Variants in RIMS1 observed in about 807,000 individuals in gnomAD.
RIMS1 encodes regulating synaptic membrane exocytosis 1.
A neutral mutation model predicts 214.1 loss-of-function variants in RIMS1; 83 were observed. That is an observed-to-expected ratio of 0.39 (90% confidence interval 0.32 to 0.47). The LOEUF is 0.47. RIMS1 is among the 20% of genes least tolerant of loss of function. The pLI, the probability that RIMS1 is intolerant of heterozygous loss-of-function variation, is 0.99. For missense variants in RIMS1, 2,050 were observed against 2,161.8 expected (o/e 0.95, Z 1.03); for synonymous variants, 793 against 786.8 (o/e 1.01, Z -0.13).
intron 1 of RIMS1, among the ~76,000 whole-genome samples, chr6:71,890,305 T>C (rs566350250): frequency 7.3e-6 from 1 of 137,076 alleles, no homozygotes; most frequent in South Asian, 2.3e-4. Flanking sequence ...GCCATATAAC[T>C]GGAAATAGTT....
intron 2 of RIMS1, among the ~76,000 whole-genome samples, chr6:72,095,083 C>G (rs1175944299): frequency 6.7e-6 from 1 of 149,390 alleles, no homozygotes; most frequent in Non-Finnish European, 1.5e-5. Flanking sequence ...TCCCAAGTAG[C>G]AGGGACTACA....
chr6:72,149,024 C>G (rs1038087384), intron 4 of RIMS1, among the ~76,000 whole-genome samples: 1 of 152,040 alleles, frequency 6.6e-6, no homozygotes, highest in African/African-American at 2.4e-5. Flanking sequence ...TAGAAAAGCT[C>G]CCTTTATTCA....
rs536608177 is a variant in RIMS1, at chr6:72,046,047, C to T, written c.246-50902C>T. ...ACATAATTTTCTTTTAAAAAATTAT[C>T]ACTGCTAATGTAAAAGCAAAGTATA... On this transcript the variant is annotated intron_variant, in intron 2 of 33. Coordinates refer to ENST00000521978, the MANE Select transcript of RIMS1 (RefSeq NM_014989.7). Among the ~76,000 whole-genome samples, 5 of 151,914 alleles carry T rather than the reference C, an allele frequency of 3.3e-5. No individual in the cohort carries two copies. The East Asian group carries it at 9.7e-4, about 29-fold the overall frequency.
chr6:72,151,685 T>C (rs1025437173), intron 4 of RIMS1, among the ~76,000 whole-genome samples: 1 of 152,208 alleles, frequency 6.6e-6, no homozygotes, highest in Non-Finnish European at 1.5e-5. Context: ...TCTCTCTATC[T>C]GTCTGTCTAA....
chr6:71,963,724 A>G (rs1793639090), intron 1 of RIMS1, among the ~76,000 whole-genome samples: 1 of 152,182 alleles, frequency 6.6e-6, no homozygotes. Flanking sequence ...AGTTAATCAA[A>G]TCATAAAACT....
chr6:72,321,739 C>T (rs1265815199), intron 28 of RIMS1, among the ~76,000 whole-genome samples: 1 of 152,038 alleles, frequency 6.6e-6, no homozygotes, highest in Non-Finnish European at 1.5e-5. Flanking sequence ...TTATATACTG[C>T]AGGCCTTTGG....
chr6:72,249,041 G>C (rs1400118078), intron 12 of RIMS1, among the ~76,000 whole-genome samples: 2 of 151,978 alleles, frequency 1.3e-5, no homozygotes. Context: ...GTATCAATTG[G>C]GAATCAGAGA....
Position 72,333,847 on chromosome 6 carries a change from G to A in RIMS1, c.4366+12G>A. On this transcript the variant is annotated intron_variant, in intron 29 of 33. Coordinates refer to ENST00000521978, the MANE Select transcript of RIMS1 (RefSeq NM_014989.7). ...GCTTAGTCAAACAGGTGAGTGATGTGAATTCAACCTAAACAACTCAATTCT... is the reference window on the plus strand; with the variant it reads ...GCTTAGTCAAACAGGTGAGTGATGTAAATTCAACCTAAACAACTCAATTCT... The A allele has an allele frequency of 3.3e-6, 5 of 1,534,786 alleles. No individual in the cohort carries two copies. The highest frequency in any genetic ancestry group is 4.4e-6 in the Non-Finnish European group (5 of 1,128,288).
intron 19 of RIMS1, chr6:72,263,432 GA>G: frequency 1.0e-6 from 1 of 975,416 alleles, no homozygotes; most frequent in East Asian, 1.1e-4. Context: ...CAGGCTTGGA[GA>G]CTTAATCGAA....
At chr6:72,121,840 T>G (rs937084101) in intron 4 of RIMS1, among the ~76,000 whole-genome samples, 3 of 151,932 alleles carry the variant, frequency 2.0e-5, no homozygotes, top group African/African-American at 7.2e-5. Context: ...AATACCTAGT[T>G]TATTGGGAGC....
chr6:72,025,237 A>G (rs1353348524), intron 2 of RIMS1, among the ~76,000 whole-genome samples: 3 of 151,838 alleles, frequency 2.0e-5, no homozygotes, highest in Non-Finnish European at 2.9e-5. Flanking sequence ...CGTGCTCCTT[A>G]TATTTGTTTT....
intron 2 of RIMS1, among the ~76,000 whole-genome samples, chr6:72,026,886 G>C (rs186504218): frequency 4.5e-4 from 68 of 152,148 alleles, no homozygotes; most frequent in African/African-American, 1.6e-3. Context: ...ATTCTCCCAA[G>C]ACTTTTGATC....
chr6:72,108,705 T>G (rs1253163320), intron 4 of RIMS1, among the ~76,000 whole-genome samples: 1 of 151,642 alleles, frequency 6.6e-6, no homozygotes, highest in Non-Finnish European at 1.5e-5. Context: ...TTATTTTATT[T>G]TATTATTATT....
chr6:72,258,935 T>C, intron 17 of RIMS1, 51 bp from the exon 18 acceptor site: 1 of 1,579,786 alleles, frequency 6.3e-7, no homozygotes, highest in Non-Finnish European at 8.7e-7. Flanking sequence ...TGTCTGCCTG[T>C]TTTGGGAAGA....
At chr6:71,961,650 C>A (rs1399581030) in intron 1 of RIMS1, among the ~76,000 whole-genome samples, 1 of 152,040 alleles carries the variant, frequency 6.6e-6, no homozygotes, top group Non-Finnish European at 1.5e-5. Context: ...GATTTCAGAC[C>A]TCATCTTATT....
intron 4 of RIMS1, among the ~76,000 whole-genome samples, chr6:72,127,825 C>T (rs1214471512): frequency 6.6e-6 from 1 of 152,194 alleles, no homozygotes; most frequent in African/African-American, 2.4e-5. Context: ...CTATCACAGG[C>T]AATCTGCTGA....
At chr6:72,291,872 G>A in intron 25 of RIMS1, 62 bp from the exon 26 acceptor site, 2 of 1,251,700 alleles carry the variant, frequency 1.6e-6, no homozygotes, top group Non-Finnish European at 2.3e-6. Context: ...AAGGAGGAAA[G>A]ATTTTTGTCA....
At chr6:72,298,426 A>G (rs1165784192) in intron 26 of RIMS1, among the ~76,000 whole-genome samples, 3 of 152,026 alleles carry the variant, frequency 2.0e-5, no homozygotes, top group Non-Finnish European at 4.4e-5. Context: ...TGTAAATGAT[A>G]GAATAGGAAA....
rs566861256 is a variant in RIMS1 at position 72,166,705 on chromosome 6, G to A, written c.472-12870G>A. 7.2e-4 allele frequency among the ~76,000 whole-genome samples: 38 copies of A among 53,034 alleles called. 1 individual carries two copies. In the South Asian group the frequency reaches 0.02, roughly 28 times the overall value. 34.8% of individuals were successfully genotyped at this position (53,034 alleles called of 152,430 possible). A position where few individuals can be genotyped will look rare whatever the true frequency, so the allele number is the denominator to read the frequency against. On this transcript the variant is annotated intron_variant, in intron 4 of 33. Coordinates refer to ENST00000521978, the MANE Select transcript of RIMS1 (RefSeq NM_014989.7). ...AGCTTAGGCAGCGTAATGAGATCCC[G>A]TCTCTATTTTAAAAAAAAAAAGTAA...
Sources: gnomAD v4.1 joint callset for allele counts (sites outside exome capture counted in the v4.1 genomes callset) on GRCh38, gnomAD v4.1.1 for gene constraint, MANE v1.5 for transcripts, NCBI Gene and HGNC (gene_info 2026-07-23, HGNC 2026-07-21) for gene names.